TGM6: variants seen among roughly 807,000 people sequenced by gnomAD.
TGM6 encodes the protein transglutaminase 6.
In TGM6, 74 loss-of-function variants were observed where a neutral mutation model predicts 77.5. The ratio of observed to expected loss-of-function variants is 0.96; its 90% CI spans 0.79 to 1.16. TGM6 has a LOEUF of 1.16. Among genes scored for constraint, TGM6 ranks in the 50% most tolerant of loss-of-function variants. TGM6 has a pLI of 0.00. For synonymous variants in TGM6, 383 were observed against 378.9 expected, an observed-to-expected ratio of 1.01 and a Z score of -0.12; for missense variants, 968 against 940.2, an observed-to-expected ratio of 1.03 and a Z score of -0.39.
intron 2 of TGM6, 114 bp from the exon 3 acceptor site, chr20:2,395,080 C>T (rs2084653887): frequency 3.3e-6 from 5 of 1,517,528 alleles, no homozygotes; most frequent in East Asian, 2.4e-5. Flanking sequence ...CTCCCAAAGC[C>T]TCCCAGAAGT....
In TGM6 at chr20:2,402,369, G is replaced by A. The variant is rs374673735; in HGVS notation, c.990-1028G>A. 5.3e-5 allele frequency among the ~76,000 whole-genome samples: 8 copies of A among 152,288 alleles called. No individual in the cohort carries two copies. The East Asian group carries it at 1.3e-3, about 26-fold the overall frequency. ...GGAGCGTGCCAGGAGCCCTTCCCGAGCTGGCCTCCAGCTCAGACCATCTCT... is the reference window on the plus strand; with the variant it reads ...GGAGCGTGCCAGGAGCCCTTCCCGAACTGGCCTCCAGCTCAGACCATCTCT... On this transcript the variant is annotated intron_variant, in intron 7 of 12. Coordinates refer to ENST00000202625, the MANE Select transcript of TGM6 (RefSeq NM_198994.3).
At chr20:2,392,792 A>G (rs1354096773) in intron 1 of TGM6, among the ~76,000 whole-genome samples, 1 of 152,204 alleles carries the variant, frequency 6.6e-6, no homozygotes, top group Non-Finnish European at 1.5e-5. Context: ...AGACCCAGCT[A>G]CTTGGGAGGC....
At chr20:2,390,967 C>T (rs2084625622) in intron 1 of TGM6, among the ~76,000 whole-genome samples, 1 of 151,638 alleles carries the variant, frequency 6.6e-6, no homozygotes, top group Admixed American at 6.6e-5. Flanking sequence ...ACTGAAGGCC[C>T]AAAAAAGATA....
At position 2,403,666 on chromosome 20, in the gene TGM6, G is replaced by A. The variant is rs764278569; in HGVS notation, c.1179G>A (p.Ala393=). ...CTCACGATGGCCCCTTCGTGTTTGC[G>A]GAGGTCAACGCCGACTACATCACCT... The part of the protein sequence containing the change: ...HLAHDGPFVF[A]EVNADYITWL... The change falls in exon 9 of 13, where the codon GCG becomes GCA. Residue 393 remains alanine (A), a synonymous_variant. Transcript: ENST00000202625. 3.3e-5 allele frequency: 54 copies of A among 1,614,116 alleles called. 1 individual carries two copies. The highest frequency in any genetic ancestry group is 1.6e-4 in the Middle Eastern group (1 of 6,084).
At chr20:2,389,406 G>A (rs1028912811) in intron 1 of TGM6, among the ~76,000 whole-genome samples, 17 of 152,168 alleles carry the variant, frequency 1.1e-4, no homozygotes, top group Non-Finnish European at 1.6e-4. Flanking sequence ...GGCCAGTGGA[G>A]CTCTGCCCAA....
In TGM6 at chr20:2,399,698, G is replaced by A. The variant is rs746552235; in HGVS notation, c.810G>A (p.Lys270=). The change falls in exon 6 of 13, where the codon AAG becomes AAA. Residue 270 remains lysine (K), a synonymous_variant. Transcript: ENST00000202625. ...KWLKGRYKPV[K]YGQCWVFAGV... Reference sequence around the variant, plus strand: ...TCAAGGGCAGGTACAAGCCAGTCAAGTACGGCCAGTGCTGGGTCTTCGCCG... The same window carrying A: ...TCAAGGGCAGGTACAAGCCAGTCAAATACGGCCAGTGCTGGGTCTTCGCCG... The A allele has an allele frequency of 1.1e-5, 18 of 1,614,002 alleles. No individual in the cohort carries two copies. The Admixed American group carries it at 2.3e-4, about 21-fold the overall frequency.
chr20:2,396,049 A>G (rs372189336), intron 3 of TGM6, among the ~76,000 whole-genome samples: 119 of 152,076 alleles, frequency 7.8e-4, no homozygotes, highest in African/African-American at 2.4e-3. Context: ...CTGTGGTGGC[A>G]CACGCCTGTA....
intron 1 of TGM6, among the ~76,000 whole-genome samples, chr20:2,389,337 T>G (rs562290248): frequency 3.8e-4 from 58 of 152,304 alleles, no homozygotes; most frequent in African/African-American, 1.3e-3. Flanking sequence ...AGCCTTCAGA[T>G]GAACATGGCC....
At chr20:2,430,342 G>C (rs890044084) in intron 10 of TGM6, 104 bp from the exon 11 acceptor site, 1 of 1,453,180 alleles carries the variant, frequency 6.9e-7, no homozygotes, top group African/African-American at 1.4e-5. Flanking sequence ...TGGTTGCAAG[G>C]ACCAGAGAGA....
rs754377632 is a variant in TGM6 at position 2,430,676 on chromosome 20, TG to T, written c.1833+83del. The stretch of plus-strand genomic sequence containing the variant: ...AGAGCTGGGGGAGGGCGTCAGAAGC[TG>T]GGGGGGTTTGTGCCTTTAACTCCAG... On this transcript the variant is annotated intron_variant, in intron 11 of 12. Coordinates refer to ENST00000202625, the MANE Select transcript of TGM6 (RefSeq NM_198994.3). 256 of 1,607,880 alleles carry T rather than the reference TG, an allele frequency of 1.6e-4. 1 individual carries two copies. The Admixed American group carries it at 1.7e-3, about 11-fold the overall frequency.
intron 2 of TGM6, 87 bp from the exon 3 acceptor site, chr20:2,395,107 G>A (rs1243358528): frequency 1.3e-6 from 2 of 1,561,702 alleles, no homozygotes; most frequent in African/African-American, 1.3e-5. Flanking sequence ...GGTGAAGGTG[G>A]GGCTTCCAGG....
chr20:2,403,732 AAACACG>A lies in TGM6; in HGVS notation c.1248_1253del (p.Asn416_Thr417del), dbSNP rs1376704659. ...ATGAGAGCCGGGAGCGTGTATACTCAAACACGAAGAAGATTGGGAGATGCATCAGCA... is the reference window on the plus strand; with the variant it reads ...ATGAGAGCCGGGAGCGTGTATACTCAAAGAAGATTGGGAGATGCATCAGCA... On this transcript the variant is annotated inframe_deletion, in exon 9 of 13. Transcript: ENST00000202625. The A allele has an allele frequency of 6.2e-7, 1 of 1,614,204 alleles. No individual in the cohort carries two copies. Among genetic ancestry groups the A allele is most frequent in the South Asian group, 1.1e-5 (1 of 91,088 alleles).
rs79724730 is a variant in TGM6 at position 2,417,807 on chromosome 20, A to G, written c.1678+234A>G. ...GCAAGTCCACATGCATCTGGTGGCA[A>G]TCTGATGAAGATGTGATTTATAGTT... On this transcript the variant is annotated intron_variant, in intron 10 of 12. Coordinates refer to ENST00000202625, the MANE Select transcript of TGM6 (RefSeq NM_198994.3). Among the ~76,000 whole-genome samples the G allele has an allele frequency of 0.18, 27,869 of 152,178 alleles. 2,658 individuals are homozygous for G. The highest frequency in any genetic ancestry group is 0.25 in the East Asian group (1,270 of 5,174).
intron 1 of TGM6, among the ~76,000 whole-genome samples, chr20:2,383,031 CT>C (rs1283694769): frequency 6.6e-6 from 1 of 152,206 alleles, no homozygotes. Context: ...TGATGAGTCA[CT>C]GCCTCCTGGT....
intron 5 of TGM6, 22 bp from the exon 6 acceptor site, chr20:2,399,539 A>C: frequency 1.2e-6 from 2 of 1,612,166 alleles, no homozygotes; most frequent in Non-Finnish European, 1.7e-6. Context: ...CTGGTTGTGG[A>C]CCCGTGCCCT....
rs200536588 is a variant in TGM6, at chr20:2,403,721, C to G, written c.1234C>G (p.Arg412Gly). 6.2e-7 allele frequency: 1 copy of G among 1,614,074 alleles called. No individual in the cohort carries two copies. The highest frequency in any genetic ancestry group is 1.3e-5 in the African/African-American group (1 of 74,924). ...GTGGCACGAGGATGAGAGCCGGGAG[C>G]GTGTATACTCAAACACGAAGAAGAT... ...WLWHEDESRE[R>G]VYSNTKKIGR... The change falls in exon 9 of 13, where the codon CGT becomes GGT. Residue 412 changes from arginine to glycine, a missense_variant. By Grantham distance (125) the Arg-to-Gly change is moderately radical. Transcript: ENST00000202625.
chr20:2,417,144 C>CT, intron 9 of TGM6, 88 bp from the exon 10 acceptor site: 1 of 1,269,664 alleles, frequency 7.9e-7, no homozygotes, highest in Non-Finnish European at 1.1e-6. Flanking sequence ...GCATATGGCT[C>CT]TTGAACTGCC....
Position 2,399,704 on chromosome 20 carries a change from C to T in TGM6, c.816C>T (p.Gly272=), listed in dbSNP as rs368599004. ...GCAGGTACAAGCCAGTCAAGTACGG[C>T]CAGTGCTGGGTCTTCGCCGGAGTCC... ...LKGRYKPVKY[G]QCWVFAGVLC... Residue 272 remains glycine (G), a synonymous_variant, in exon 6 of 13, where the codon GGC becomes GGT. Coordinates refer to ENST00000202625, the MANE Select transcript of TGM6 (RefSeq NM_198994.3). The T allele has an allele frequency of 9.0e-5, 145 of 1,614,046 alleles. No homozygotes were observed. Among genetic ancestry groups the T allele is most frequent in the Admixed American group, 1.3e-4 (8 of 60,028 alleles).
chr20:2,399,815 A>G, intron 6 of TGM6, 77 bp downstream of exon 6: 2 of 1,309,380 alleles, frequency 1.5e-6, no homozygotes, highest in Non-Finnish European at 2.1e-6. Context: ...ATATATTTGC[A>G]TATGCTGCAA....
Sources: gnomAD v4.1 joint callset for allele counts (sites outside exome capture counted in the v4.1 genomes callset) on GRCh38, gnomAD v4.1.1 for gene constraint, MANE v1.5 for transcripts, NCBI Gene and HGNC (gene_info 2026-07-23, HGNC 2026-07-21) for gene names.